AK8: variants seen among roughly 807,000 people sequenced by gnomAD.
AK8 encodes the protein adenylate kinase 8.
AK8 carries 44 observed loss-of-function variants against 54.6 expected under a neutral mutation model. The ratio of observed to expected loss-of-function variants is 0.81; its 90% CI spans 0.63 to 1.04. The LOEUF (loss-of-function observed/expected upper bound fraction) is 1.04. Ranked by LOEUF, AK8 falls within the 50% of genes least tolerant of loss-of-function variation. AK8 has a pLI of 0.00. For synonymous variants in AK8, 239 were observed against 245.6 expected, an observed-to-expected ratio of 0.97 and a Z score of 0.25; for missense variants, 555 against 613.6, an observed-to-expected ratio of 0.90 and a Z score of 1.01.
intron 11 of AK8, among the ~76,000 whole-genome samples, chr9:132,764,676 T>C (rs1421574927): frequency 6.6e-6 from 1 of 152,094 alleles, no homozygotes. Context: ...TAATAAAAAG[T>C]CTCCCATCAC....
intron 5 of AK8, among the ~76,000 whole-genome samples, chr9:132,854,616 C>G (rs992176312): frequency 6.6e-6 from 1 of 152,270 alleles, no homozygotes; most frequent in Non-Finnish European, 1.5e-5. Context: ...TTTCCTGTGA[C>G]CCCTCTGGAT....
intron 5 of AK8, among the ~76,000 whole-genome samples, chr9:132,833,058 C>T (rs541915166): frequency 6.6e-6 from 1 of 152,318 alleles, no homozygotes; most frequent in African/African-American, 2.4e-5. Flanking sequence ...GCCATGGAGG[C>T]TCTTCCTCTC....
In AK8 at chr9:132,770,538, G is replaced by A. The variant is rs907687410; in HGVS notation, c.1121+22096C>T. 1.1e-4 allele frequency among the ~76,000 whole-genome samples: 17 copies of A among 152,192 alleles called. No individual in the cohort carries two copies. The highest frequency in any genetic ancestry group is 2.1e-4 in the Non-Finnish European group (14 of 68,018). ...GCCCCTCGCCCTGCACGCGCGCCCTGCCCCTGGCTGTAACCTGAGCAGCCC... is the reference window on the plus strand; with the variant it reads ...GCCCCTCGCCCTGCACGCGCGCCCTACCCCTGGCTGTAACCTGAGCAGCCC... On this transcript the variant is annotated intron_variant, in intron 11 of 12. Coordinates refer to ENST00000298545, the MANE Select transcript of AK8 (RefSeq NM_152572.3). This position sits in a 1 kb window ranked among gnomAD's most constrained non-coding sequence, Gnocchi z 4.3.
At position 132,727,494 on chromosome 9, in the gene AK8, G is replaced by C. The variant is rs763524400; in HGVS notation, c.1162C>G (p.Arg388Gly). 1.9e-6 allele frequency: 3 copies of C among 1,613,938 alleles called. No individual in the cohort carries two copies. Among genetic ancestry groups the C allele is most frequent in the Non-Finnish European group, 2.5e-6 (3 of 1,179,940 alleles). Reference protein sequence around the residue: ...LNVPFDSIMERLTLRRIDPVT... With the variant: ...LNVPFDSIMEGLTLRRIDPVT... ...GGATCAATTCTTCTCAGAGTCAGCC[G>C]CTCCATGATGGAATCAAATGGCACA... Residue 388 changes from arginine to glycine, a missense_variant, in exon 12 of 13, where the codon CGG becomes GGG. By Grantham distance (125) the Arg-to-Gly change is moderately radical. Transcript: ENST00000298545.
chr9:132,816,621 G>A (rs776382927), intron 9 of AK8, among the ~76,000 whole-genome samples: 1 of 152,182 alleles, frequency 6.6e-6, no homozygotes, highest in Non-Finnish European at 1.5e-5. Flanking sequence ...CCATGAAGGA[G>A]TAACAGGTAT....
At chr9:132,872,924 G>A (rs11792755) in intron 2 of AK8, among the ~76,000 whole-genome samples, 5 of 152,108 alleles carry the variant, frequency 3.3e-5, no homozygotes, top group African/African-American at 7.2e-5. Flanking sequence ...CCATTCTCCC[G>A]CCTCAGCCTC....
In AK8 at chr9:132,837,124, T is replaced by C. The variant is rs571479672; in HGVS notation, c.403-8398A>G. Among the ~76,000 whole-genome samples, 455 of 152,150 alleles carry C rather than the reference T, an allele frequency of 3.0e-3. No homozygotes were observed. Among genetic ancestry groups the C allele is most frequent in the African/African-American group, 0.011 (437 of 41,518 alleles). On this transcript the variant is annotated intron_variant, in intron 5 of 12. Coordinates refer to ENST00000298545, the MANE Select transcript of AK8 (RefSeq NM_152572.3). The surrounding 1 kb of genome is among the most constrained non-coding windows in gnomAD (Gnocchi z 4.3). The stretch of plus-strand genomic sequence containing the variant: ...TCATGAGGTCAAGAGATCGAGACCA[T>C]CCTGGCCAACGTGGTGAAACCCCAT...
intron 4 of AK8, among the ~76,000 whole-genome samples, chr9:132,858,840 C>G (rs117205102): frequency 2.6e-5 from 4 of 152,100 alleles, no homozygotes; most frequent in Non-Finnish European, 5.9e-5. Flanking sequence ...AGAGAGCAGA[C>G]CTCATAGCGT....
At chr9:132,795,504 A>G (rs1402030824) in intron 10 of AK8, among the ~76,000 whole-genome samples, 1 of 152,234 alleles carries the variant, frequency 6.6e-6, no homozygotes, top group Non-Finnish European at 1.5e-5. Context: ...AATGTAGGGT[A>G]AGAATCTGCC....
At chr9:132,797,695 T>C (rs1264276378) in intron 10 of AK8, among the ~76,000 whole-genome samples, 1 of 152,216 alleles carries the variant, frequency 6.6e-6, no homozygotes, top group Non-Finnish European at 1.5e-5. Flanking sequence ...GTTTAACGTT[T>C]TCCACTAAAA....
At chr9:132,759,290 T>G (rs989370811) in intron 11 of AK8, among the ~76,000 whole-genome samples, 1 of 152,132 alleles carries the variant, frequency 6.6e-6, no homozygotes, top group African/African-American at 2.4e-5. Flanking sequence ...TTCTGCCCAT[T>G]TTTATATTAA....
chr9:132,852,065 C>T (rs550323290), intron 5 of AK8, among the ~76,000 whole-genome samples: 7 of 152,138 alleles, frequency 4.6e-5, no homozygotes, highest in South Asian at 4.2e-4. Context: ...CAGAAAGAAC[C>T]GATGCGATAA....
intron 11 of AK8, among the ~76,000 whole-genome samples, chr9:132,774,881 G>A (rs530165462): frequency 3.3e-5 from 5 of 152,268 alleles, no homozygotes; most frequent in East Asian, 1.9e-4. Flanking sequence ...AACTGTTACC[G>A]GTTGAGTACA....
intron 5 of AK8, among the ~76,000 whole-genome samples, chr9:132,849,651 G>T (rs9411354): frequency 0.75 from 114,184 of 152,126 alleles, 43,162 homozygotes; most frequent in South Asian, 0.86. Flanking sequence ...GTTTGTGATG[G>T]AGATCCCATG....
In AK8 at chr9:132,761,796, TTCCC is replaced by T. The variant is rs1296426331; in HGVS notation, c.1121+30834_1121+30837del. On this transcript the variant is annotated intron_variant, in intron 11 of 12. Transcript: ENST00000298545. ...TCTTTCTTCCTCCCTTTTTCTCTTC[TTCCC>T]TCCCTCCCTCCTTCTCTCTCTCTCC... is the stretch of plus-strand genomic sequence containing the variant. Among the ~76,000 whole-genome samples, 5 of 152,014 alleles carry T rather than the reference TTCCC, an allele frequency of 3.3e-5. No individual in the cohort carries two copies. In the East Asian group the frequency reaches 5.8e-4, roughly 18 times the overall value.
intron 11 of AK8, among the ~76,000 whole-genome samples, chr9:132,776,811 G>A (rs1027481084): frequency 6.6e-5 from 10 of 152,144 alleles, no homozygotes; most frequent in Admixed American, 6.5e-4. Context: ...TTGAAGTCAT[G>A]GCTAAAAACT....
intron 11 of AK8, among the ~76,000 whole-genome samples, chr9:132,728,845 C>T (rs1161912233): frequency 1.3e-5 from 2 of 152,176 alleles, no homozygotes; most frequent in East Asian, 3.9e-4. Context: ...CTCCTAGTTC[C>T]AATGGTTTCA....
chr9:132,814,937 A>C (rs190394682), intron 9 of AK8, among the ~76,000 whole-genome samples: 4 of 152,346 alleles, frequency 2.6e-5, no homozygotes, highest in Non-Finnish European at 4.4e-5. Flanking sequence ...AGGTGGAATG[A>C]AAAGGAATGC....
rs747805408 is a variant in AK8 at position 132,875,239 on chromosome 9, C to T, written c.85-40G>A. The T allele has an allele frequency of 3.1e-6, 5 of 1,610,196 alleles. No homozygotes were observed. In the African/African-American group the frequency reaches 4.0e-5, roughly 13 times the overall value. ...CAGACACCCAGGTGGTTAATACCTG[C>T]AAGGGCACCTGGTCACCACAGATAC... On this transcript the variant is annotated intron_variant, in intron 1 of 12. Coordinates refer to ENST00000298545, the MANE Select transcript of AK8 (RefSeq NM_152572.3).
Sources: gnomAD v4.1 joint callset for allele counts (sites outside exome capture counted in the v4.1 genomes callset) on GRCh38, gnomAD v4.1.1 for gene constraint, Gnocchi (gnomAD v3.1) non-coding constraint, MANE v1.5 for transcripts, NCBI Gene and HGNC (gene_info 2026-07-23, HGNC 2026-07-21) for gene names.